PARD3: variants seen among roughly 807,000 people sequenced by gnomAD.
The protein encoded by PARD3 is par-3 family cell polarity regulator, also known as partitioning defective 3 homolog.
A neutral mutation model predicts 155.4 loss-of-function variants in PARD3; 75 were observed. The ratio of observed to expected loss-of-function variants is 0.48; its 90% CI spans 0.40 to 0.58. PARD3 has a LOEUF of 0.58. Ranked by LOEUF, PARD3 falls within the 20% of genes least tolerant of loss-of-function variation. PARD3 has a pLI of 0.00. For missense variants in PARD3, 1,642 were observed against 1,721.7 expected, an observed-to-expected ratio of 0.95 and a Z score of 0.82; for synonymous variants, 576 against 610.5, an observed-to-expected ratio of 0.94 and a Z score of 0.83.
rs1841644127 is a variant in PARD3 at position 34,379,842 on chromosome 10, A to G, written c.1400-1736T>C. 2.0e-5 allele frequency among the ~76,000 whole-genome samples: 3 copies of G among 152,294 alleles called. No individual in the cohort carries two copies. The South Asian group carries it at 6.2e-4, about 32-fold the overall frequency. ...AAATGGCAATAAATATTAAGAAATCATAATTATGGAAGCAAGTACACTGAG... is the reference window on the plus strand; with the variant it reads ...AAATGGCAATAAATATTAAGAAATCGTAATTATGGAAGCAAGTACACTGAG... On this transcript the variant is annotated intron_variant, in intron 9 of 24. Transcript: ENST00000374788.
chr10:34,250,651 C>A (rs1244076154), intron 22 of PARD3, among the ~76,000 whole-genome samples: 1 of 139,354 alleles, frequency 7.2e-6, no homozygotes, highest in Non-Finnish European at 1.5e-5. Context: ...TTTTGTTTAT[C>A]ATTTCCAAGC....
intron 19 of PARD3, among the ~76,000 whole-genome samples, chr10:34,324,905 C>T (rs555454158): frequency 6.6e-6 from 1 of 152,140 alleles, no homozygotes; most frequent in Non-Finnish European, 1.5e-5. Context: ...CTTGCCCTGA[C>T]GTTACTACTT....
chr10:34,165,527 C>T (rs1182097944), intron 22 of PARD3, among the ~76,000 whole-genome samples: 16 of 152,164 alleles, frequency 1.1e-4, no homozygotes, highest in Non-Finnish European at 1.8e-4. Flanking sequence ...GAGGAAAAAC[C>T]GCTTTGTTCT....
intron 1 of PARD3, among the ~76,000 whole-genome samples, chr10:34,812,678 G>A (rs1156578763): frequency 2.6e-5 from 4 of 152,036 alleles, no homozygotes; most frequent in South Asian, 2.1e-4. Flanking sequence ...CAAAGCCCCC[G>A]TTAAAATTCA....
chr10:34,280,815 A>G lies in PARD3; in HGVS notation c.3176+3320T>C, dbSNP rs906039439. On this transcript the variant is annotated intron_variant, in intron 21 of 24. Transcript: ENST00000374788. The stretch of plus-strand genomic sequence containing the variant: ...TGAGAGGATGTTTTGAGAATAAATA[A>G]GTTTGGAGAATGGTGACTCTCTGTT... 3.9e-5 allele frequency among the ~76,000 whole-genome samples: 6 copies of G among 152,154 alleles called. No homozygotes were observed. The East Asian group carries it at 1.2e-3, about 29-fold the overall frequency.
intron 2 of PARD3, among the ~76,000 whole-genome samples, chr10:34,631,043 G>A (rs2092246731): frequency 6.6e-6 from 1 of 151,792 alleles, no homozygotes; most frequent in South Asian, 2.1e-4. Context: ...TCAAACTCCA[G>A]GCCCCAAGTG....
intron 16 of PARD3, among the ~76,000 whole-genome samples, chr10:34,340,560 G>A (rs527902454): frequency 1.3e-5 from 2 of 152,114 alleles, no homozygotes; most frequent in African/African-American, 4.8e-5. Context: ...GAAATGAAAA[G>A]CTAGAGATGA....
intron 1 of PARD3, among the ~76,000 whole-genome samples, chr10:34,734,050 GA>G (rs2094866511): frequency 1.4e-5 from 2 of 148,028 alleles, no homozygotes; most frequent in South Asian, 4.2e-4. Context: ...CACTTATTCA[GA>G]AAAAAAAGTG....
At chr10:34,154,378 T>C (rs1948903387) in intron 22 of PARD3, among the ~76,000 whole-genome samples, 8 of 152,168 alleles carry the variant, frequency 5.3e-5, no homozygotes, top group Admixed American at 5.2e-4. Flanking sequence ...AAAGAAATGC[T>C]GCAAATTTAG....
intron 3 of PARD3, among the ~76,000 whole-genome samples, chr10:34,506,630 C>T (rs2081082420): frequency 6.6e-6 from 1 of 152,170 alleles, no homozygotes; most frequent in South Asian, 2.1e-4. Context: ...TGAAATGTTT[C>T]AGTCCACCGA....
intron 22 of PARD3, among the ~76,000 whole-genome samples, chr10:34,261,807 AAG>A (rs1955022284): frequency 6.7e-6 from 1 of 149,768 alleles, no homozygotes; most frequent in African/African-American, 2.5e-5. Flanking sequence ...GAAAGAAAGA[AAG>A]AAAGAAAGAA....
At chr10:34,674,731 C>T (rs2093673085) in intron 2 of PARD3, among the ~76,000 whole-genome samples, 1 of 152,126 alleles carries the variant, frequency 6.6e-6, no homozygotes, top group African/African-American at 2.4e-5. Context: ...AGGTGATCCA[C>T]CTGTCTCGGC....
rs146553880 is a variant in PARD3, at chr10:34,716,885, C to A, written c.121-20466G>T. On this transcript the variant is annotated intron_variant, in intron 1 of 24. Transcript: ENST00000374788. ...GGGATTACAGGTGTGAGCCACTGCACCCAGCCTCAGGATGGCTTTGAATGT... is the reference window on the plus strand; with the variant it reads ...GGGATTACAGGTGTGAGCCACTGCAACCAGCCTCAGGATGGCTTTGAATGT... 4.2e-3 allele frequency among the ~76,000 whole-genome samples: 646 copies of A among 152,210 alleles called. 7 individuals carry two copies. Among genetic ancestry groups the A allele is most frequent in the African/African-American group, 0.015 (615 of 41,534 alleles).
At chr10:34,672,198 C>T (rs544345389) in intron 2 of PARD3, among the ~76,000 whole-genome samples, 5 of 152,274 alleles carry the variant, frequency 3.3e-5, no homozygotes, top group East Asian at 3.9e-4. Flanking sequence ...CTCCCTTTCA[C>T]GACTGCCATT....
chr10:34,154,698 G>A (rs1476122658), intron 22 of PARD3, among the ~76,000 whole-genome samples: 1 of 152,144 alleles, frequency 6.6e-6, no homozygotes, highest in Admixed American at 6.5e-5. Context: ...TTTCGAGAGA[G>A]AGACAGAGAG....
chr10:34,720,238 A>T (rs1440074528), intron 1 of PARD3, among the ~76,000 whole-genome samples: 2 of 152,202 alleles, frequency 1.3e-5, no homozygotes, highest in Admixed American at 6.5e-5. Flanking sequence ...GTTCAAGACT[A>T]GCCTGGCCAA....
chr10:34,380,085 A>G (rs1841674695), intron 9 of PARD3, among the ~76,000 whole-genome samples: 1 of 152,124 alleles, frequency 6.6e-6, no homozygotes, highest in South Asian at 2.1e-4. Context: ...TTGTAAGAAA[A>G]AAATCTGCTA....
intron 19 of PARD3, among the ~76,000 whole-genome samples, chr10:34,330,002 A>G (rs1215504236): frequency 2.0e-5 from 3 of 152,122 alleles, no homozygotes; most frequent in Non-Finnish European, 4.4e-5. Context: ...TTTCTTAGGT[A>G]TATGTGATAG....
chr10:34,325,388 T>G (rs1231751154), intron 19 of PARD3, among the ~76,000 whole-genome samples: 6 of 152,104 alleles, frequency 3.9e-5, no homozygotes, highest in Admixed American at 6.6e-5. Context: ...CCCCATTCCC[T>G]ATGTTCCATA....
Sources: allele counts gnomAD v4.1 joint callset (sites outside exome capture counted in the v4.1 genomes callset), GRCh38; gene constraint gnomAD v4.1.1; transcripts MANE v1.5; gene names NCBI Gene and HGNC (gene_info 2026-07-23, HGNC 2026-07-21).